The following ZSCAN5A variants were observed in gnomAD, a reference collection of about 807,000 sequenced individuals.
The protein encoded by ZSCAN5A is zinc finger and SCAN domain-containing protein 5A.
A neutral mutation model predicts 23.7 loss-of-function variants in ZSCAN5A; 12 were observed. That is an observed-to-expected ratio of 0.51 (90% CI 0.32 to 0.82). The LOEUF is 0.82. Among genes scored for constraint, ZSCAN5A ranks in the 40% least tolerant of loss-of-function variants. The pLI is 0.03. For missense variants in ZSCAN5A, 597 were observed against 617.9 expected, an observed-to-expected ratio of 0.97 and a Z score of 0.36; for synonymous variants, 257 against 239.9, an observed-to-expected ratio of 1.07 and a Z score of -0.66.
chr19:56,302,656 T>A (rs186195444), intron 2 of ZSCAN5A, among the ~76,000 whole-genome samples: 1 of 71,860 alleles, frequency 1.4e-5, no homozygotes, highest in South Asian at 6.6e-4. Flanking sequence ...CTTCCCCCCC[T>A]CCCTGTTCTT....
intron 2 of ZSCAN5A, among the ~76,000 whole-genome samples, chr19:56,249,627 T>C (rs1251653127): frequency 2.0e-5 from 3 of 152,224 alleles, no homozygotes; most frequent in African/African-American, 7.2e-5. Context: ...GCCAATGCTC[T>C]GCACCATTTC....
chr19:56,255,702 G>A (rs541356721), intron 2 of ZSCAN5A, among the ~76,000 whole-genome samples: 2 of 152,032 alleles, frequency 1.3e-5, no homozygotes, highest in Admixed American at 6.6e-5. Context: ...CTACCTGGAC[G>A]GATGAAAAAC....
chr19:56,268,490 CT>C (rs2037626023), intron 2 of ZSCAN5A, among the ~76,000 whole-genome samples: 1 of 152,162 alleles, frequency 6.6e-6, no homozygotes, highest in South Asian at 2.1e-4. Flanking sequence ...ACTTTTAATA[CT>C]TTTTAAATTT....
chr19:56,278,741 T>A (rs2038453180), intron 2 of ZSCAN5A, among the ~76,000 whole-genome samples: 1 of 152,108 alleles, frequency 6.6e-6, no homozygotes, highest in Admixed American at 6.5e-5. Flanking sequence ...TCTAACTAAC[T>A]CTCAGTCTGA....
rs61736534 is a variant in ZSCAN5A, at chr19:56,223,680, T to C, written c.539A>G (p.His180Arg). 1.5e-3 allele frequency: 2,424 copies of C among 1,613,858 alleles called. 35 individuals are homozygous for C. In the African/African-American group the frequency reaches 0.027, roughly 18 times the overall value. ...CCTGGGCAGGATCTGCAGCTCTCGG[T>C]GGGCCTGGCCTTCCCCTGGACGCAT... ...NQMRPGEGQAHRELQILPRVP... is the reference protein window; with the variant it reads ...NQMRPGEGQARRELQILPRVP... The change falls in exon 4 of 6, where the codon CAC (histidine) becomes CGC (arginine). Residue 180 changes from histidine to arginine, a missense_variant. This residue lies in a region of ZSCAN5A where 406 missense variants were observed against 353.2 expected (regional missense o/e 1.15). Coordinates refer to ENST00000683990, the MANE Select transcript of ZSCAN5A (RefSeq NM_001322064.3).
chr19:56,289,891 G>A (rs934937073), intron 2 of ZSCAN5A, among the ~76,000 whole-genome samples: 1 of 152,152 alleles, frequency 6.6e-6, no homozygotes, highest in Non-Finnish European at 1.5e-5. Flanking sequence ...TGGGATTACA[G>A]GCAGGAGCCA....
chr19:56,356,527 T>C (rs1299546585), intron 2 of ZSCAN5A, among the ~76,000 whole-genome samples: 1 of 147,984 alleles, frequency 6.8e-6, no homozygotes, highest in Non-Finnish European at 1.5e-5. Flanking sequence ...CACAGGCTGT[T>C]AATATCCTTC....
chr19:56,228,254 C>T (rs982239377), intron 2 of ZSCAN5A: 93 of 985,250 alleles, frequency 9.4e-5, no homozygotes, highest in Non-Finnish European at 1.0e-4. Context: ...ACACTCACCT[C>T]CTTCCCGGCT....
chr19:56,260,205 A>AT (rs925825404), intron 2 of ZSCAN5A, among the ~76,000 whole-genome samples: 1 of 130,032 alleles, frequency 7.7e-6, no homozygotes, highest in Admixed American at 7.7e-5. Flanking sequence ...GTAATTAAAT[A>AT]TTTTTTTACT....
chr19:56,262,056 C>T (rs979848823), intron 2 of ZSCAN5A, among the ~76,000 whole-genome samples: 1 of 152,184 alleles, frequency 6.6e-6, no homozygotes, highest in South Asian at 2.1e-4. Context: ...GAGTCTCACT[C>T]TGTTGCCCAG....
At chr19:56,345,994 G>A (rs1293052405) in intron 2 of ZSCAN5A, among the ~76,000 whole-genome samples, 4 of 152,140 alleles carry the variant, frequency 2.6e-5, no homozygotes, top group Non-Finnish European at 5.9e-5. Flanking sequence ...CCCCAAGGGA[G>A]TTGCACCTTC....
At chr19:56,256,746 G>A (rs1190489281) in intron 2 of ZSCAN5A, among the ~76,000 whole-genome samples, 1 of 152,192 alleles carries the variant, frequency 6.6e-6, no homozygotes, top group East Asian at 1.9e-4. Context: ...CCAGTGGGCA[G>A]GTCACCCAGG....
intron 2 of ZSCAN5A, among the ~76,000 whole-genome samples, chr19:56,344,216 A>G (rs368090101): frequency 1.3e-5 from 2 of 152,270 alleles, no homozygotes; most frequent in South Asian, 2.1e-4. Context: ...AACGAAGATG[A>G]TAACAGTCCT....
intron 2 of ZSCAN5A, among the ~76,000 whole-genome samples, chr19:56,345,717 A>C (rs1055289579): frequency 9.2e-5 from 14 of 152,182 alleles, no homozygotes; most frequent in Admixed American, 9.2e-4. Context: ...ACCCACACTG[A>C]ATGCTGTGTT....
At chr19:56,306,284 CT>C (rs755848511) in intron 2 of ZSCAN5A, among the ~76,000 whole-genome samples, 17 of 152,116 alleles carry the variant, frequency 1.1e-4, no homozygotes, top group South Asian at 2.1e-4. Flanking sequence ...GAGGGTCCCC[CT>C]GGCCTCTCCC....
At chr19:56,319,801 T>A, upstream of ZSCAN5A, 1 of 776,342 alleles carries the variant, frequency 1.3e-6, no homozygotes, top group Non-Finnish European at 2.4e-6. Context: ...TATGGTCCAC[T>A]GGAATTGGGA....
intron 2 of ZSCAN5A, among the ~76,000 whole-genome samples, chr19:56,334,774 G>T (rs2041519754): frequency 6.6e-6 from 1 of 151,896 alleles, no homozygotes; most frequent in Non-Finnish European, 1.5e-5. Context: ...ATTATTAAAA[G>T]AAAAAAATAC....
chr19:56,263,001 G>T lies in ZSCAN5A; in HGVS notation c.-127-37828C>A, dbSNP rs546976756. The stretch of plus-strand genomic sequence containing the variant: ...AGTAGATTATAAATTCCTTAGTGAT[G>T]GGTAAGGTAGGAGTATGTATTACTG... On this transcript the variant is annotated intron_variant, in intron 2 of 5. Transcript: ENST00000683990. 2.2e-4 allele frequency among the ~76,000 whole-genome samples: 34 copies of T among 152,286 alleles called. 1 individual carries two copies. The highest frequency in any genetic ancestry group is 7.9e-4 in the African/African-American group (33 of 41,556).
At chr19:56,232,334 T>A (rs1024794439) in intron 2 of ZSCAN5A, among the ~76,000 whole-genome samples, 6 of 152,186 alleles carry the variant, frequency 3.9e-5, no homozygotes, top group Non-Finnish European at 7.3e-5. Context: ...GCACTTTTTT[T>A]CTGGCTGTCC....
Sources: gnomAD v4.1 joint callset for allele counts (sites outside exome capture counted in the v4.1 genomes callset) on GRCh38, gnomAD v4.1.1 for gene constraint, gnomAD v4.1.1 regional missense constraint, MANE v1.5 for transcripts, NCBI Gene and HGNC (gene_info 2026-07-23, HGNC 2026-07-21) for gene names.